TTC28: variants seen among roughly 807,000 people sequenced by gnomAD.
TTC28 encodes tetratricopeptide repeat protein 28.
TTC28 carries 61 observed loss-of-function variants against 198.0 expected under a neutral mutation model. The observed-to-expected ratio is 0.31, with a 90% CI of 0.25 to 0.38. The LOEUF (loss-of-function observed/expected upper bound fraction) is 0.38. Among genes scored for constraint, TTC28 ranks in the 10% least tolerant of loss-of-function variants. TTC28 has a pLI of 1.00. For synonymous variants in TTC28, 1,171 were observed against 1,297.8 expected (o/e 0.90, Z 2.10); for missense variants, 2,678 against 3,164.0 (o/e 0.85, Z 3.69).
intron 14 of TTC28, among the ~76,000 whole-genome samples, chr22:28,011,982 C>T (rs1938183019): frequency 6.6e-6 from 1 of 152,140 alleles, no homozygotes; most frequent in Non-Finnish European, 1.5e-5. Context: ...CAAAGGGAGA[C>T]AGGCAAAGGC....
At chr22:28,384,711 T>G (rs2046548160) in intron 2 of TTC28, among the ~76,000 whole-genome samples, 1 of 152,210 alleles carries the variant, frequency 6.6e-6, no homozygotes, top group Non-Finnish European at 1.5e-5. Flanking sequence ...AATACTCCAT[T>G]ACATCTCTCC....
chr22:28,163,478 G>C lies in TTC28; in HGVS notation c.1055C>G (p.Ser352Cys). The change falls in exon 6 of 23, where the codon TCT (serine) becomes TGT (cysteine). Residue 352 changes from serine (S) to cysteine (C), a missense_variant. Ser to Cys is a moderately radical substitution (Grantham distance 112). This residue lies in a region of TTC28 where 775 missense variants were observed against 845.9 expected (regional missense o/e 0.92). Coordinates refer to ENST00000397906, the MANE Select transcript of TTC28 (RefSeq NM_001145418.2). The part of the protein sequence containing the change: ...LLAKQSKDEL[S>C]EARELGNMGA... ...CATGTTGCCAAGTTCTCGGGCTTCAGAAAGTTCATCTTTGGATTGCTTGGC... is the reference window on the plus strand; with the variant it reads ...CATGTTGCCAAGTTCTCGGGCTTCACAAAGTTCATCTTTGGATTGCTTGGC... The C allele has an allele frequency of 1.3e-6, 2 of 1,551,784 alleles. No individual in the cohort carries two copies. Among genetic ancestry groups the C allele is most frequent in the South Asian group, 1.2e-5 (1 of 84,066 alleles).
chr22:28,040,026 G>C (rs1219333388), intron 12 of TTC28, among the ~76,000 whole-genome samples: 3 of 152,126 alleles, frequency 2.0e-5, no homozygotes, highest in Non-Finnish European at 2.9e-5. Flanking sequence ...ACTCTCCCAA[G>C]ACTAAACCAG....
At chr22:28,508,207 T>G (rs1214940270) in intron 2 of TTC28, among the ~76,000 whole-genome samples, 1 of 152,014 alleles carries the variant, frequency 6.6e-6, no homozygotes, top group Non-Finnish European at 1.5e-5. Context: ...GGAGGAAAAT[T>G]TACCAAGCAA....
chr22:28,206,744 A>G (rs1926439004), intron 5 of TTC28, among the ~76,000 whole-genome samples: 1 of 152,170 alleles, frequency 6.6e-6, no homozygotes, highest in Non-Finnish European at 1.5e-5. Flanking sequence ...ATGGGAGGCC[A>G]GGAAAAGAAA....
chr22:28,336,968 T>C (rs1253458775), intron 2 of TTC28, among the ~76,000 whole-genome samples: 1 of 152,234 alleles, frequency 6.6e-6, no homozygotes, highest in Non-Finnish European at 1.5e-5. Flanking sequence ...CTTTCTCTTG[T>C]GGGCATTTAG....
At chr22:28,584,021 T>G (rs4820789) in intron 2 of TTC28, among the ~76,000 whole-genome samples, 68,466 of 118,682 alleles carry the variant, frequency 0.58, 17,237 homozygotes, top group Admixed American at 0.69. Flanking sequence ...GTTTTGTTTT[T>G]TTTTTTTTTT....
chr22:28,387,652 G>A (rs1384129030), intron 2 of TTC28, among the ~76,000 whole-genome samples: 1 of 152,190 alleles, frequency 6.6e-6, no homozygotes, highest in Admixed American at 6.5e-5. Context: ...CTTTTGAGAA[G>A]TGTCTGTTCA....
chr22:28,285,626 G>A (rs1295470392), intron 5 of TTC28, among the ~76,000 whole-genome samples: 1 of 152,152 alleles, frequency 6.6e-6, no homozygotes, highest in Admixed American at 6.5e-5. Context: ...CAATTTGATT[G>A]TGGTCGTTTC....
At chr22:28,233,396 A>G (rs910764837) in intron 5 of TTC28, among the ~76,000 whole-genome samples, 2 of 152,094 alleles carry the variant, frequency 1.3e-5, no homozygotes, top group Admixed American at 6.5e-5. Flanking sequence ...ATATCTCTAT[A>G]CCTCACAAAA....
intron 2 of TTC28, among the ~76,000 whole-genome samples, chr22:28,514,646 T>C (rs1342446911): frequency 1.3e-5 from 2 of 152,224 alleles, no homozygotes; most frequent in African/African-American, 4.8e-5. Flanking sequence ...CTCTATATTT[T>C]CATAAAAATG....
At chr22:28,469,855 G>C (rs1373360537) in intron 2 of TTC28, among the ~76,000 whole-genome samples, 1 of 151,840 alleles carries the variant, frequency 6.6e-6, no homozygotes, top group Non-Finnish European at 1.5e-5. Flanking sequence ...TATTTTTGGA[G>C]ACAGGGTCTC....
At chr22:28,446,808 C>A (rs1238661660) in intron 2 of TTC28, among the ~76,000 whole-genome samples, 1 of 152,056 alleles carries the variant, frequency 6.6e-6, no homozygotes, top group Non-Finnish European at 1.5e-5. Context: ...ACAGATAAGG[C>A]AAAGAAATTT....
At chr22:28,205,678 A>T (rs946017120) in intron 5 of TTC28, among the ~76,000 whole-genome samples, 1 of 152,130 alleles carries the variant, frequency 6.6e-6, no homozygotes, top group Non-Finnish European at 1.5e-5. Context: ...TATATAAATT[A>T]AATTTCTGAA....
chr22:28,662,974 C>T (rs958901690), intron 1 of TTC28, among the ~76,000 whole-genome samples: 3 of 151,784 alleles, frequency 2.0e-5, no homozygotes, highest in Admixed American at 6.6e-5. Context: ...TTCCACCGGG[C>T]GCGGTGGCTC....
At chr22:28,546,947 C>G (rs935633394) in intron 2 of TTC28, among the ~76,000 whole-genome samples, 1 of 152,054 alleles carries the variant, frequency 6.6e-6, no homozygotes, top group African/African-American at 2.4e-5. Context: ...TGACAGAAAG[C>G]AGGTCAGTGT....
chr22:28,208,722 T>C (rs1262158314), intron 5 of TTC28, among the ~76,000 whole-genome samples: 1 of 152,208 alleles, frequency 6.6e-6, no homozygotes, highest in East Asian at 1.9e-4. Flanking sequence ...TTTAACTATA[T>C]ATATATGTGC....
chr22:27,984,949 G>A (rs1221472010), intron 22 of TTC28, among the ~76,000 whole-genome samples: 1 of 152,166 alleles, frequency 6.6e-6, no homozygotes, highest in Admixed American at 6.5e-5. Flanking sequence ...CAGGCCCTGT[G>A]GCCCCACAGA....
At chr22:28,492,468 A>G (rs939356002) in intron 2 of TTC28, among the ~76,000 whole-genome samples, 4 of 152,180 alleles carry the variant, frequency 2.6e-5, no homozygotes, top group Non-Finnish European at 5.9e-5. Context: ...CTCTAAAAAT[A>G]AAATGAGATA....
Sources: gnomAD v4.1 joint callset for allele counts (sites outside exome capture counted in the v4.1 genomes callset) on GRCh38, gnomAD v4.1.1 for gene constraint, gnomAD v4.1.1 regional missense constraint, MANE v1.5 for transcripts, NCBI Gene and HGNC (gene_info 2026-07-23, HGNC 2026-07-21) for gene names.